The following TAS2R1 variants were observed in gnomAD, a reference collection of about 807,000 sequenced individuals.
The protein encoded by TAS2R1 is taste 2 receptor member 1.
For missense variants in TAS2R1, 370 were observed against 353.4 expected (o/e 1.05, Z -0.38); for synonymous variants, 141 against 134.2 (o/e 1.05, Z -0.35).
chr5:9,680,385 T>A (rs1380048708), intron 1 of TAS2R1, among the ~76,000 whole-genome samples: 1 of 152,128 alleles, frequency 6.6e-6, no homozygotes, highest in Non-Finnish European at 1.5e-5. Context: ...GTGTGAGTTG[T>A]GCATAGCAAC....
At chr5:9,767,177 G>A in the TAS2R1 span, among the ~76,000 whole-genome samples, 13,917 of 151,254 alleles carry the variant, frequency 0.092, 884 homozygotes, top group Non-Finnish European at 0.14. Flanking sequence ...TCCTTTCATC[G>A]TTCTTCCCAT....
the TAS2R1 span, chr5:9,867,197 A>G: frequency 6.6e-6 from 1 of 152,198 alleles, no homozygotes; most frequent in African/African-American, 2.4e-5. Flanking sequence ...GTATCTGTGA[A>G]AAGAATTGGT....
At chr5:9,635,982 GGGTTTGTTT>G (rs1739956575) in intron 2 of TAS2R1, among the ~76,000 whole-genome samples, 1 of 151,694 alleles carries the variant, frequency 6.6e-6, no homozygotes, top group Admixed American at 6.6e-5. Context: ...GCCAGGTTTG[GGGTTTGTTT>G]GTTCTTGTTT....
At chr5:9,797,257 A>G in the TAS2R1 span, among the ~76,000 whole-genome samples, 6 of 152,332 alleles carry the variant, frequency 3.9e-5, no homozygotes, top group South Asian at 1.2e-3. Flanking sequence ...ACTGGCATGT[A>G]GTGCGTAGAG....
At chr5:9,736,756 T>C in the TAS2R1 span, among the ~76,000 whole-genome samples, 1 of 152,142 alleles carries the variant, frequency 6.6e-6, no homozygotes, top group East Asian at 1.9e-4. Context: ...TATAAGGACA[T>C]TTCTTTTAGA....
At chr5:9,754,098 T>A in the TAS2R1 span, among the ~76,000 whole-genome samples, 1 of 152,276 alleles carries the variant, frequency 6.6e-6, no homozygotes, top group Non-Finnish European at 1.5e-5. Context: ...CAAGGCTGGT[T>A]CAATATATGC....
chr5:9,831,732 C>T, the TAS2R1 span, among the ~76,000 whole-genome samples: 2 of 151,940 alleles, frequency 1.3e-5, no homozygotes, highest in South Asian at 2.1e-4. Context: ...AACTCCTTGT[C>T]TTTTCTCCTC....
the TAS2R1 span, among the ~76,000 whole-genome samples, chr5:9,900,886 C>T: frequency 6.6e-6 from 1 of 152,096 alleles, no homozygotes; most frequent in African/African-American, 2.4e-5. Flanking sequence ...GCCTCCTGCT[C>T]AAACGGATTT....
upstream of TAS2R1, among the ~76,000 whole-genome samples, chr5:9,716,693 G>A (rs1251849704): frequency 2.0e-5 from 3 of 152,050 alleles, no homozygotes; most frequent in Non-Finnish European, 4.4e-5. Context: ...TTCCTCATAA[G>A]CTGAATTTGT....
the TAS2R1 span, among the ~76,000 whole-genome samples, chr5:9,752,290 G>C: frequency 6.6e-6 from 1 of 152,168 alleles, no homozygotes; most frequent in South Asian, 2.1e-4. Flanking sequence ...TCACTGTCTT[G>C]TCAGCCAATG....
the TAS2R1 span, among the ~76,000 whole-genome samples, chr5:9,755,012 C>T: frequency 3.3e-5 from 5 of 152,122 alleles, no homozygotes; most frequent in East Asian, 1.9e-4. Flanking sequence ...AGATAGTCTT[C>T]CTCTAATTTC....
At chr5:9,648,377 T>C (rs1001522485) in intron 2 of TAS2R1, among the ~76,000 whole-genome samples, 2 of 152,002 alleles carry the variant, frequency 1.3e-5, no homozygotes, top group African/African-American at 4.8e-5. Context: ...AAATTGACAA[T>C]ATAACAGATC....
chr5:9,809,622 G>A, the TAS2R1 span, among the ~76,000 whole-genome samples: 2 of 152,158 alleles, frequency 1.3e-5, no homozygotes, highest in Admixed American at 1.3e-4. Flanking sequence ...AAGCCACCCA[G>A]TCTGATATTT....
chr5:9,726,288 G>C, the TAS2R1 span, among the ~76,000 whole-genome samples: 3 of 152,130 alleles, frequency 2.0e-5, no homozygotes, highest in Non-Finnish European at 4.4e-5. Context: ...TAGCTAATCT[G>C]GTGGGGAGGT....
chr5:9,857,236 G>A, the TAS2R1 span, among the ~76,000 whole-genome samples: 8 of 152,242 alleles, frequency 5.3e-5, no homozygotes, highest in East Asian at 3.9e-4. Context: ...TTGACAGTAC[G>A]GTTGGAGAAT....
At chr5:9,848,984 TC>T in the TAS2R1 span, among the ~76,000 whole-genome samples, 1 of 152,196 alleles carries the variant, frequency 6.6e-6, no homozygotes, top group South Asian at 2.1e-4. Flanking sequence ...CCTTGACACT[TC>T]CATGAGAAGA....
the TAS2R1 span, among the ~76,000 whole-genome samples, chr5:9,832,495 C>A: frequency 6.6e-6 from 1 of 152,208 alleles, no homozygotes; most frequent in Non-Finnish European, 1.5e-5. Context: ...AGCCAGGGTT[C>A]TCCTGTAGCT....
At chr5:9,885,263 A>C in the TAS2R1 span, among the ~76,000 whole-genome samples, 2 of 152,210 alleles carry the variant, frequency 1.3e-5, no homozygotes, top group Non-Finnish European at 2.9e-5. Context: ...ATTATTATGA[A>C]GTTATGATTT....
chr5:9,769,895 CTG>C, the TAS2R1 span, among the ~76,000 whole-genome samples: 10 of 152,108 alleles, frequency 6.6e-5, no homozygotes, highest in African/African-American at 2.4e-5. Flanking sequence ...CTTTCCTTGT[CTG>C]TGCAGAAGCT....
Sources: allele counts gnomAD v4.1 joint callset (sites outside exome capture counted in the v4.1 genomes callset), GRCh38; gene constraint gnomAD v4.1.1; transcripts MANE v1.5; gene names NCBI Gene and HGNC (gene_info 2026-07-23, HGNC 2026-07-21).